The following NDUFAF2 variants were observed in gnomAD, a reference collection of about 807,000 sequenced individuals.
The protein encoded by NDUFAF2 is NADH dehydrogenase [ubiquinone] 1 alpha subcomplex assembly factor 2.
A neutral mutation model predicts 22.8 loss-of-function variants in NDUFAF2; 13 were observed. The ratio of observed to expected loss-of-function variants is 0.57; its 90% CI spans 0.37 to 0.91. NDUFAF2 has a LOEUF of 0.91. NDUFAF2 is among the 40% of genes least tolerant of loss of function. The pLI, the probability that NDUFAF2 is intolerant of heterozygous loss-of-function variation, is 0.01. For missense variants in NDUFAF2, 162 were observed against 195.2 expected (o/e 0.83, Z 1.01); for synonymous variants, 53 against 64.2 (o/e 0.83, Z 0.84).
At chr5:61,110,663 T>C (rs1752828651) in intron 3 of NDUFAF2, among the ~76,000 whole-genome samples, 2 of 152,118 alleles carry the variant, frequency 1.3e-5, no homozygotes. Flanking sequence ...GTTATTGTAA[T>C]GTCTCCTTTT....
chr5:61,144,772 T>G (rs144934851), intron 3 of NDUFAF2, among the ~76,000 whole-genome samples: 1 of 152,198 alleles, frequency 6.6e-6, no homozygotes, highest in Non-Finnish European at 1.5e-5. Context: ...CCCTCAGATA[T>G]TAGAGTGCAT....
intron 3 of NDUFAF2, among the ~76,000 whole-genome samples, chr5:61,128,497 C>T (rs1342709028): frequency 6.6e-6 from 1 of 152,038 alleles, no homozygotes; most frequent in Non-Finnish European, 1.5e-5. Context: ...TAATACCACA[C>T]ATCTACAACT....
intron 1 of NDUFAF2, among the ~76,000 whole-genome samples, chr5:60,949,837 AT>A (rs1750519242): frequency 6.6e-6 from 1 of 152,150 alleles, no homozygotes; most frequent in Non-Finnish European, 1.5e-5. Context: ...ATTATATTGT[AT>A]TGTTATTATA....
At chr5:61,068,085 A>G (rs1408866859) in intron 1 of NDUFAF2, among the ~76,000 whole-genome samples, 2 of 152,168 alleles carry the variant, frequency 1.3e-5, no homozygotes, top group Non-Finnish European at 2.9e-5. Context: ...AATATCACTA[A>G]TAAATCCATT....
intron 3 of NDUFAF2, among the ~76,000 whole-genome samples, chr5:61,108,314 C>A (rs295552): frequency 0.58 from 82,899 of 143,536 alleles, 24,847 homozygotes; most frequent in East Asian, 0.93. Flanking sequence ...TACAGTCCCA[C>A]CAACAGTGTA....
intron 1 of NDUFAF2, among the ~76,000 whole-genome samples, chr5:61,020,806 C>T (rs1333754573): frequency 6.6e-6 from 1 of 152,110 alleles, no homozygotes; most frequent in Non-Finnish European, 1.5e-5. Context: ...AGTGATTCTC[C>T]TGCCTCAGCC....
intron 3 of NDUFAF2, among the ~76,000 whole-genome samples, chr5:61,114,201 T>C (rs1025720946): frequency 6.6e-6 from 1 of 152,156 alleles, no homozygotes; most frequent in Non-Finnish European, 1.5e-5. Context: ...CATGTAGGCA[T>C]GGTTCCTTGT....
At chr5:60,977,923 A>C (rs1750924253) in intron 1 of NDUFAF2, among the ~76,000 whole-genome samples, 1 of 152,190 alleles carries the variant, frequency 6.6e-6, no homozygotes, top group African/African-American at 2.4e-5. Context: ...TATGCACATG[A>C]AAAAGCACCT....
In NDUFAF2 at chr5:60,945,392, C is replaced by G. The variant is rs752764592; in HGVS notation, c.127+10C>G. On this transcript the variant is annotated intron_variant, in intron 1 of 3. Coordinates refer to ENST00000296597, the MANE Select transcript of NDUFAF2 (RefSeq NM_174889.5). ...TACAAGAACTGGAGAGGTGAGGTGG[C>G]GGCGTGGGCAGCGATTGCGTGGTCA... The G allele has an allele frequency of 1.9e-6, 3 of 1,614,102 alleles. No individual in the cohort carries two copies. The South Asian group carries it at 3.3e-5, about 18-fold the overall frequency.
At chr5:61,027,585 A>G (rs187033796) in intron 1 of NDUFAF2, among the ~76,000 whole-genome samples, 1 of 152,060 alleles carries the variant, frequency 6.6e-6, no homozygotes, top group East Asian at 1.9e-4. Context: ...CGATTTTCTC[A>G]TTTGTGCTTT....
At chr5:60,994,928 G>T (rs1008149476) in intron 1 of NDUFAF2, among the ~76,000 whole-genome samples, 7 of 151,818 alleles carry the variant, frequency 4.6e-5, no homozygotes, top group African/African-American at 1.5e-4. Context: ...CAAGTAGCCT[G>T]ACTTCAAGCT....
chr5:61,044,956 A>G lies in NDUFAF2; in HGVS notation c.128-28169A>G, dbSNP rs535057967. Among the ~76,000 whole-genome samples the G allele has an allele frequency of 1.6e-4, 24 of 151,632 alleles. 2 individuals are homozygous for G. Among genetic ancestry groups the G allele is most frequent in the Admixed American group, 9.8e-4 (15 of 15,248 alleles). ...AATATAATAAATCTTTCAATCCGTG[A>G]ACATGGGATATCTTCCCATTTATTT... is the stretch of plus-strand genomic sequence containing the variant. On this transcript the variant is annotated intron_variant, in intron 1 of 3. Transcript: ENST00000296597.
intron 3 of NDUFAF2, among the ~76,000 whole-genome samples, chr5:61,127,156 C>A (rs1753047647): frequency 1.3e-5 from 2 of 152,020 alleles, no homozygotes; most frequent in Non-Finnish European, 2.9e-5. Flanking sequence ...AGCTTACCGA[C>A]CAAAAACAGT....
chr5:61,104,952 G>A (rs1752744765), intron 3 of NDUFAF2, among the ~76,000 whole-genome samples: 1 of 152,086 alleles, frequency 6.6e-6, no homozygotes, highest in South Asian at 2.1e-4. Flanking sequence ...TTCTATCTCT[G>A]TATTAGAAAT....
chr5:60,951,486 T>C (rs1211376092), intron 1 of NDUFAF2, among the ~76,000 whole-genome samples: 6 of 152,242 alleles, frequency 3.9e-5, no homozygotes, highest in Non-Finnish European at 8.8e-5. Context: ...TGAGTGGACA[T>C]AAGCTTTTAA....
intron 1 of NDUFAF2, among the ~76,000 whole-genome samples, chr5:61,052,911 A>C (rs1752043325): frequency 6.6e-6 from 1 of 152,216 alleles, no homozygotes; most frequent in Admixed American, 6.5e-5. Context: ...GCTTCCTACC[A>C]AAATCACTTT....
intron 3 of NDUFAF2, among the ~76,000 whole-genome samples, chr5:61,124,540 C>T (rs1420861787): frequency 6.6e-6 from 1 of 151,966 alleles, no homozygotes; most frequent in Non-Finnish European, 1.5e-5. Flanking sequence ...CATCTTTGAT[C>T]TAGACTGTCT....
At chr5:61,000,374 C>T (rs1376384367) in intron 1 of NDUFAF2, among the ~76,000 whole-genome samples, 1 of 152,072 alleles carries the variant, frequency 6.6e-6, no homozygotes, top group Non-Finnish European at 1.5e-5. Flanking sequence ...CATGAGATTT[C>T]TGTGTGTACT....
chr5:61,014,644 AG>A (rs1205722299), intron 1 of NDUFAF2, among the ~76,000 whole-genome samples: 1 of 152,180 alleles, frequency 6.6e-6, no homozygotes, highest in Non-Finnish European at 1.5e-5. Context: ...ACTAACTCCT[AG>A]GACTTAGTGT....
Sources: allele counts gnomAD v4.1 joint callset (sites outside exome capture counted in the v4.1 genomes callset), GRCh38; gene constraint gnomAD v4.1.1; transcripts MANE v1.5; gene names NCBI Gene and HGNC (gene_info 2026-07-23, HGNC 2026-07-21).